The following GYPC variants were observed in gnomAD, a reference collection of about 807,000 sequenced individuals.
GYPC encodes glycophorin C (Gerbich blood group).
Under a neutral mutation model 12.6 loss-of-function variants are expected in GYPC, and 14 were observed. The observed-to-expected ratio is 1.11, with a 90% CI of 0.74 to 1.74. The LOEUF is 1.74. Ranked by LOEUF, GYPC falls within the 40% of genes most tolerant of loss-of-function variation. The pLI is 0.00. For missense variants in GYPC, 225 were observed against 172.1 expected (o/e 1.31, Z -1.72); for synonymous variants, 78 against 62.1 (o/e 1.26, Z -1.20).
intron 3 of GYPC, among the ~76,000 whole-genome samples, chr2:126,694,907 C>T (rs1217259200): frequency 6.6e-6 from 1 of 152,032 alleles, no homozygotes; most frequent in Admixed American, 6.6e-5. Flanking sequence ...GTGATCTGAC[C>T]CCTCCTGAGC....
At chr2:126,685,245 C>T (rs1683252897) in intron 1 of GYPC, among the ~76,000 whole-genome samples, 1 of 152,206 alleles carries the variant, frequency 6.6e-6, no homozygotes. Flanking sequence ...GGAAGAAAAA[C>T]CACAGTGCTA....
At chr2:126,688,815 C>A (rs1245341253) in intron 1 of GYPC, among the ~76,000 whole-genome samples, 1 of 152,134 alleles carries the variant, frequency 6.6e-6, no homozygotes, top group Non-Finnish European at 1.5e-5. Flanking sequence ...AGGCATCTGG[C>A]AGCTGCACTG....
At chr2:126,685,251 T>C (rs2104798758) in intron 1 of GYPC, among the ~76,000 whole-genome samples, 1 of 152,342 alleles carries the variant, frequency 6.6e-6, no homozygotes, top group East Asian at 1.9e-4. Context: ...AAAACCACAG[T>C]GCTAGCTGAG....
At chr2:126,660,332 AG>A (rs1487197771) in intron 1 of GYPC, among the ~76,000 whole-genome samples, 2 of 152,212 alleles carry the variant, frequency 1.3e-5, no homozygotes, top group Non-Finnish European at 2.9e-5. Flanking sequence ...CCGCCTTAGC[AG>A]CTGGCTCGGG....
intron 2 of GYPC, 127 bp from the exon 3 acceptor site, chr2:126,693,737 C>A (rs1457702046): frequency 2.6e-6 from 2 of 765,844 alleles, no homozygotes; most frequent in Admixed American, 3.6e-5. Context: ...CGCCGCACTG[C>A]TCCTTTCCAC....
intron 1 of GYPC, among the ~76,000 whole-genome samples, chr2:126,670,664 G>A (rs188168238): frequency 3.3e-5 from 5 of 152,152 alleles, no homozygotes; most frequent in African/African-American, 1.2e-4. Context: ...GGCACCTTGC[G>A]TGAGAGGCTG....
chr2:126,674,407 A>G (rs1051623673), intron 1 of GYPC, among the ~76,000 whole-genome samples: 5 of 152,048 alleles, frequency 3.3e-5, no homozygotes, highest in African/African-American at 1.2e-4. Flanking sequence ...AAAGCAAGGC[A>G]GGCTTCTGGG....
chr2:126,666,560 G>A (rs1468664246), intron 1 of GYPC, among the ~76,000 whole-genome samples: 6 of 152,122 alleles, frequency 3.9e-5, no homozygotes, highest in East Asian at 1.9e-4. Context: ...ACCAGTCCTC[G>A]GTCCCTGTCT....
intron 1 of GYPC, among the ~76,000 whole-genome samples, chr2:126,660,319 T>A (rs574162053): frequency 6.6e-6 from 1 of 152,364 alleles, no homozygotes; most frequent in Non-Finnish European, 1.5e-5. Flanking sequence ...CTGCTGCCCT[T>A]GCCCGCCTTA....
At chr2:126,668,443 G>T (rs2104777633) in intron 1 of GYPC, among the ~76,000 whole-genome samples, 1 of 152,298 alleles carries the variant, frequency 6.6e-6, no homozygotes, top group East Asian at 1.9e-4. Flanking sequence ...GACACTTTGA[G>T]GCCTGGATCT....
chr2:126,693,719 A>T, intron 2 of GYPC, 145 bp from the exon 3 acceptor site: 1 of 722,354 alleles, frequency 1.4e-6, no homozygotes, highest in Non-Finnish European at 2.6e-6. Flanking sequence ...TGCTAGGAGC[A>T]GTGGGTGCGC....
chr2:126,686,418 A>G, intron 1 of GYPC: 1 of 985,622 alleles, frequency 1.0e-6, no homozygotes, highest in Non-Finnish European at 1.2e-6. Context: ...TCCTGAGGAC[A>G]TAGAGAGTTA....
Position 126,675,421 on chromosome 2 carries a change from C to T in GYPC, c.50-14834C>T, listed in dbSNP as rs1006473102. On this transcript the variant is annotated intron_variant, in intron 1 of 3. Transcript: ENST00000259254. The stretch of plus-strand genomic sequence containing the variant: ...CCATCACACTGATGTTCCCTTCATT[C>T]GCTTCTACTCACACTCCTGCTTAAA... 1.3e-4 allele frequency among the ~76,000 whole-genome samples: 20 copies of T among 152,230 alleles called. No homozygotes were observed. In the South Asian group the frequency reaches 1.5e-3, roughly 11 times the overall value.
At chr2:126,679,188 G>A (rs917361811) in intron 1 of GYPC, among the ~76,000 whole-genome samples, 4 of 152,192 alleles carry the variant, frequency 2.6e-5, no homozygotes, top group African/African-American at 9.7e-5. Flanking sequence ...GCACCCAAAT[G>A]TGACACCAAG....
At chr2:126,668,062 G>A (rs1025365222) in intron 1 of GYPC, among the ~76,000 whole-genome samples, 1 of 152,158 alleles carries the variant, frequency 6.6e-6, no homozygotes, top group South Asian at 2.1e-4. Flanking sequence ...ACAGTGCCAG[G>A]CTGCTTTGAG....
intron 2 of GYPC, 144 bp from the exon 3 acceptor site, chr2:126,693,720 G>T (rs2104809900): frequency 1.4e-6 from 1 of 725,094 alleles, no homozygotes; most frequent in East Asian, 2.6e-5. Context: ...GCTAGGAGCA[G>T]TGGGTGCGCC....
At position 126,672,842 on chromosome 2, in the gene GYPC, C is replaced by T. The variant is rs191888026; in HGVS notation, c.49+16530C>T. Among the ~76,000 whole-genome samples, 469 of 152,296 alleles carry T rather than the reference C, an allele frequency of 3.1e-3. 1 individual carries two copies. Among genetic ancestry groups the T allele is most frequent in the Non-Finnish European group, 5.7e-3 (390 of 68,026 alleles). ...CACACTCAGCCCCACCCACACTTCC[C>T]TGGCACAATGAAAGCACAGCCCATA... On this transcript the variant is annotated intron_variant, in intron 1 of 3. Coordinates refer to ENST00000259254, the MANE Select transcript of GYPC (RefSeq NM_002101.5).
intron 1 of GYPC, among the ~76,000 whole-genome samples, chr2:126,672,005 A>C (rs1682867909): frequency 6.6e-6 from 1 of 152,222 alleles, no homozygotes; most frequent in South Asian, 2.1e-4. Flanking sequence ...AGAGCACAGC[A>C]AGTGCAAGGG....
chr2:126,675,559 T>C (rs564806829), intron 1 of GYPC: 6 of 251,394 alleles, frequency 2.4e-5, no homozygotes, highest in Admixed American at 1.9e-4. Flanking sequence ...CCTGATTCTT[T>C]CTCAGTAGCT....
Sources: gnomAD v4.1 joint callset for allele counts (sites outside exome capture counted in the v4.1 genomes callset) on GRCh38, gnomAD v4.1.1 for gene constraint, MANE v1.5 for transcripts, NCBI Gene and HGNC (gene_info 2026-07-23, HGNC 2026-07-21) for gene names.